VLDLR: variants seen among roughly 807,000 people sequenced by gnomAD.
The protein encoded by VLDLR is very low-density lipoprotein receptor.
VLDLR carries 81 observed loss-of-function variants against 112.7 expected under a neutral mutation model. That is an observed-to-expected ratio of 0.72 (90% CI 0.60 to 0.86). VLDLR has a LOEUF of 0.86. Ranked by LOEUF, VLDLR falls within the 40% of genes least tolerant of loss-of-function variation. VLDLR has a pLI of 0.00. For synonymous variants in VLDLR, 436 were observed against 384.8 expected (o/e 1.13, Z -1.56); for missense variants, 1,237 against 1,099.4 (o/e 1.13, Z -1.77).
Position 2,622,595 on chromosome 9 carries a change from G to C in VLDLR, c.82+324G>C, listed in dbSNP as rs148739035. Among the ~76,000 whole-genome samples the C allele has an allele frequency of 3.0e-3, 460 of 152,344 alleles. 2 individuals are homozygous for C. The highest frequency in any genetic ancestry group is 0.012 in the South Asian group (58 of 4,828). On this transcript the variant is annotated intron_variant, in intron 1 of 18. Transcript: ENST00000382100. The stretch of plus-strand genomic sequence containing the variant: ...CGGGCGCCGAGGTGCGTGGGCTTCT[G>C]AGCATTGAACAATGGTTCTGCCTCC...
Position 2,653,920 on chromosome 9 carries a change from G to A in VLDLR, c.*52G>A, listed in dbSNP as rs545939033. 18 of 1,599,354 alleles carry A rather than the reference G, an allele frequency of 1.1e-5. No homozygotes were observed. The highest frequency in any genetic ancestry group is 4.0e-5 in the African/African-American group (3 of 74,720). On this transcript the variant is annotated 3_prime_UTR_variant, in exon 19 of 19. Coordinates refer to ENST00000382100, the MANE Select transcript of VLDLR (RefSeq NM_003383.5). ...GGTCTAAACAAATAATACCCCCGTC[G>A]GAATGGTAACCGAGCCAGCAGCTGA...
chr9:2,651,924 A>T lies in VLDLR; in HGVS notation c.2386A>T (p.Thr796Ser). The T allele has an allele frequency of 5.0e-6, 8 of 1,614,084 alleles. No individual in the cohort carries two copies. Among genetic ancestry groups the T allele is most frequent in the Non-Finnish European group, 5.1e-6 (6 of 1,179,974 alleles). The change falls in exon 17 of 19, where the codon ACT (threonine) becomes TCT (serine). Residue 796 changes from threonine (T) to serine (S), a missense_variant. Thr to Ser is a moderately conservative substitution (Grantham distance 58, BLOSUM62 1). Coordinates refer to ENST00000382100, the MANE Select transcript of VLDLR (RefSeq NM_003383.5). ...VSEVSVPPKG[T>S]SAAWAILPLL... ...AGAGGTCAGTGTTCCCCCAAAAGGG[A>T]CTTCTGCCGCATGGGCCATTCTTCC...
In VLDLR at chr9:2,645,609, G is replaced by C. The variant is rs1473572594; in HGVS notation, c.1348G>C (p.Asp450His). 4 of 1,614,130 alleles carry C rather than the reference G, an allele frequency of 2.5e-6. No individual in the cohort carries two copies. Among genetic ancestry groups the C allele is most frequent in the Non-Finnish European group, 3.4e-6 (4 of 1,180,058 alleles). ...EPSLIFTNRR[D>H]IRKIGLERKE... ...AAGTCTGATCTTCACTAATCGAAGA[G>C]ACATCAGGAAGATTGGCTTAGAGAG... The change falls in exon 10 of 19, where the codon GAC becomes CAC. Residue 450 changes from aspartate to histidine, a missense_variant. Coordinates refer to ENST00000382100, the MANE Select transcript of VLDLR (RefSeq NM_003383.5).
At position 2,644,776 on chromosome 9, in the gene VLDLR, T is replaced by C. The variant is rs753454364; in HGVS notation, c.1109T>C (p.Ile370Thr). The C allele has an allele frequency of 2.5e-6, 4 of 1,614,182 alleles. No homozygotes were observed. ...CLVNNGGCSH[I>T]CKDLVIGYEC... ...GTAAATAATGGTGGATGTTCTCATATCTGCAAAGACCTAGTTATAGGCTAC... is the reference window on the plus strand; with the variant it reads ...GTAAATAATGGTGGATGTTCTCATACCTGCAAAGACCTAGTTATAGGCTAC... The change falls in exon 8 of 19, where the codon ATC becomes ACC. Residue 370 changes from isoleucine to threonine, a missense_variant. Transcript: ENST00000382100.
At chr9:2,632,414 A>AT (rs1817392109) in intron 1 of VLDLR, among the ~76,000 whole-genome samples, 1 of 152,174 alleles carries the variant, frequency 6.6e-6, no homozygotes, top group Non-Finnish European at 1.5e-5. Flanking sequence ...CTTCCAAGGT[A>AT]TTTTTTGAGG....
At chr9:2,632,514 A>G (rs539470609) in intron 1 of VLDLR, among the ~76,000 whole-genome samples, 159 of 152,310 alleles carry the variant, frequency 1.0e-3, no homozygotes, top group Admixed American at 1.8e-3. Flanking sequence ...TGAAAGTATA[A>G]TACTGAATTT....
At chr9:2,644,062 T>G in intron 7 of VLDLR, 103 bp downstream of exon 7, 3 of 1,550,686 alleles carry the variant, frequency 1.9e-6, no homozygotes, top group Non-Finnish European at 2.7e-6. Context: ...AACTTTTGAA[T>G]GTACTGAAGT....
rs990720232 is a variant in VLDLR at position 2,656,902 on chromosome 9, C to T, written c.*3034C>T. 1 of 136,754 alleles carries T rather than the reference C, an allele frequency of 7.3e-6. No homozygotes were observed. Among genetic ancestry groups the T allele is most frequent in the African/African-American group, 2.9e-5 (1 of 35,004 alleles). 8.5% of individuals were successfully genotyped at this position (136,754 alleles called of 1,614,324 possible). A position where few individuals can be genotyped will look rare whatever the true frequency, so the allele number is the denominator to read the frequency against. On this transcript the variant is annotated 3_prime_UTR_variant, in exon 19 of 19. Coordinates refer to ENST00000382100, the MANE Select transcript of VLDLR (RefSeq NM_003383.5). ...AACATTCTAGTAGGTGTTTTAAAGC[C>T]TAGGTATCGCTGCCTCTTTAGTTCT...
At chr9:2,631,365 T>C (rs902420760) in intron 1 of VLDLR, among the ~76,000 whole-genome samples, 1 of 152,200 alleles carries the variant, frequency 6.6e-6, no homozygotes, top group African/African-American at 2.4e-5. Context: ...TGCACTGGCA[T>C]GTTTATTGCA....
intron 4 of VLDLR, 69 bp downstream of exon 4, chr9:2,641,568 A>C: frequency 6.2e-7 from 1 of 1,609,574 alleles, no homozygotes; most frequent in South Asian, 1.1e-5. Flanking sequence ...GGCAGGGGAA[A>C]CTAATCTAAG....
At position 2,650,534 on chromosome 9, in the gene VLDLR, T is replaced by C; in HGVS notation, c.2251+18T>C. 1 of 1,612,592 alleles carries C rather than the reference T, an allele frequency of 6.2e-7. No homozygotes were observed. Among genetic ancestry groups the C allele is most frequent in the Admixed American group, 1.7e-5 (1 of 60,020 alleles). On this transcript the variant is annotated intron_variant, in intron 15 of 18. Transcript: ENST00000382100. ...CTGTCAAAGTAAGGCATTTTGTGTTTCAACCACAAGTAGAACCTACAACAA... is the reference window on the plus strand; with the variant it reads ...CTGTCAAAGTAAGGCATTTTGTGTTCCAACCACAAGTAGAACCTACAACAA...
intron 2 of VLDLR, among the ~76,000 whole-genome samples, chr9:2,636,065 C>G (rs1363160714): frequency 1.3e-5 from 2 of 152,164 alleles, no homozygotes; most frequent in East Asian, 3.8e-4. Flanking sequence ...ACAATAGTTG[C>G]TAATTCTAAA....
chr9:2,644,981 G>T lies in VLDLR; in HGVS notation c.1211G>T (p.Gly404Val), dbSNP rs747518210. ...GATATTGATGAATGCCAAAATCCAGGAATCTGCAGTCAAATTTGTATCAAC... is the reference window on the plus strand; with the variant it reads ...GATATTGATGAATGCCAAAATCCAGTAATCTGCAGTCAAATTTGTATCAAC... ...CGDIDECQNP[G>V]ICSQICINLK... Residue 404 changes from glycine (G) to valine (V), a missense_variant, in exon 9 of 19, where the codon GGA becomes GTA. Gly to Val is a moderately radical substitution (Grantham distance 109). Transcript: ENST00000382100. 1.9e-5 allele frequency: 30 copies of T among 1,614,040 alleles called. 1 individual carries two copies. The South Asian group carries it at 3.0e-4, about 16-fold the overall frequency.
chr9:2,648,466 C>A (rs762941090), intron 13 of VLDLR, 119 bp downstream of exon 13: 1 of 1,536,504 alleles, frequency 6.5e-7, no homozygotes, highest in Non-Finnish European at 9.0e-7. Context: ...AAACTGCTTT[C>A]ACTTAAAACC....
At chr9:2,648,643 A>T (rs1195458243) in intron 13 of VLDLR, 26 bp from the exon 14 acceptor site, 2 of 1,614,188 alleles carry the variant, frequency 1.2e-6, no homozygotes, top group Non-Finnish European at 1.7e-6. Flanking sequence ...CTGGATGTAC[A>T]TGCTAATTGT....
chr9:2,644,048 G>A, intron 7 of VLDLR, 89 bp downstream of exon 7: 1 of 1,543,666 alleles, frequency 6.5e-7, no homozygotes, highest in Non-Finnish European at 8.8e-7. Flanking sequence ...GTGATGGCTA[G>A]TTAAACTTTT....
At position 2,621,820 on chromosome 9, in the gene VLDLR, T is replaced by C; in HGVS notation, c.-370T>C. ...CTCCGGCCGCCGCCGGTGCGGGTGC[T>C]CCGCTACCGGCTCCTCTCCGTTCTG... is the stretch of plus-strand genomic sequence containing the variant. On this transcript the variant is annotated 5_prime_UTR_variant, in exon 1 of 19. Transcript: ENST00000382100. 1 of 479,230 alleles carries C rather than the reference T, an allele frequency of 2.1e-6. No homozygotes were observed. 29.7% of individuals were successfully genotyped at this position (479,230 alleles called of 1,614,324 possible). A position where few individuals can be genotyped will look rare whatever the true frequency, so the allele number is the denominator to read the frequency against.
intron 1 of VLDLR, among the ~76,000 whole-genome samples, chr9:2,628,553 T>C (rs912530135): frequency 1.3e-5 from 2 of 152,216 alleles, no homozygotes; most frequent in Admixed American, 6.5e-5. Context: ...TCTTGGCTAT[T>C]CTAGGTTGCT....
intron 13 of VLDLR, among the ~76,000 whole-genome samples, 159 bp from the exon 14 acceptor site, chr9:2,648,510 T>A (rs1818169342): frequency 6.6e-6 from 1 of 152,186 alleles, no homozygotes; most frequent in Non-Finnish European, 1.5e-5. Flanking sequence ...CCAGAAGCAC[T>A]CCACACCTAA....
Sources: allele counts gnomAD v4.1 joint callset (sites outside exome capture counted in the v4.1 genomes callset), GRCh38; gene constraint gnomAD v4.1.1; transcripts MANE v1.5; gene names NCBI Gene and HGNC (gene_info 2026-07-23, HGNC 2026-07-21).